GRAMD2B: variants seen among roughly 807,000 people sequenced by gnomAD.
The protein encoded by GRAMD2B is GRAM domain containing 2B.
In GRAMD2B, 41 loss-of-function variants were observed where a neutral mutation model predicts 59.2. That is an observed-to-expected ratio of 0.69 (90% confidence interval 0.54 to 0.90). The LOEUF is 0.90. Among genes scored for constraint, GRAMD2B ranks in the 40% least tolerant of loss-of-function variants. GRAMD2B has a pLI of 0.00. For synonymous variants in GRAMD2B, 161 were observed against 182.7 expected (o/e 0.88, Z 0.96); for missense variants, 424 against 500.5 (o/e 0.85, Z 1.46).
intron 9 of GRAMD2B, among the ~76,000 whole-genome samples, chr5:126,483,833 GA>G (rs1403084320): frequency 6.6e-6 from 1 of 152,112 alleles, no homozygotes; most frequent in African/African-American, 2.4e-5. Flanking sequence ...GGGTGGTTGA[GA>G]GAAAAAAACA....
At position 126,473,335 on chromosome 5, in the gene GRAMD2B, T is replaced by C. The variant is rs1291650116; in HGVS notation, c.453T>C (p.Cys151=). The change falls in exon 5 of 14, where the codon TGT becomes TGC. Residue 151 remains cysteine, a synonymous_variant. Transcript: ENST00000285689. ...TCTTTGTATCAGAAAACTGGATTTG[T>C]TTTCATTCCAAAGTCTTTGGAAAAG... ...GKLFVSENWI[C]FHSKVFGKDT... 1 of 1,528,060 alleles carries C rather than the reference T, an allele frequency of 6.5e-7. No homozygotes were observed. Among genetic ancestry groups the C allele is most frequent in the African/African-American group, 1.4e-5 (1 of 71,420 alleles). The allele number at this position is 1,528,060 out of a possible 1,614,324, so 94.7% of individuals were successfully genotyped here.
intron 1 of GRAMD2B, among the ~76,000 whole-genome samples, chr5:126,409,000 C>G (rs1758517403): frequency 6.6e-6 from 1 of 151,358 alleles, no homozygotes; most frequent in Admixed American, 6.6e-5. Context: ...TCATCCATGT[C>G]CCTACAAAGG....
chr5:126,443,023 C>T (rs1462361008), intron 1 of GRAMD2B, among the ~76,000 whole-genome samples: 1 of 151,934 alleles, frequency 6.6e-6, no homozygotes, highest in African/African-American at 2.4e-5. Flanking sequence ...ATTGTTTTTC[C>T]CCATTATCTA....
rs534740478 is a variant in GRAMD2B, at chr5:126,395,099, G to A, written c.125+23532G>A. 1.7e-4 allele frequency among the ~76,000 whole-genome samples: 25 copies of A among 146,814 alleles called. No homozygotes were observed. In the East Asian group the frequency reaches 3.9e-3, roughly 23 times the overall value. On this transcript the variant is annotated intron_variant, in intron 1 of 8. Coordinates refer to the GRAMD2B transcript ENST00000506445. The stretch of plus-strand genomic sequence containing the variant: ...AACTTAGAGTTACACTTTTTTTTTT[G>A]TTAGAAGATACTTTTCCTTCAGAAA...
At chr5:126,478,854 C>T (rs1561592328) in intron 6 of GRAMD2B, among the ~76,000 whole-genome samples, 1 of 152,162 alleles carries the variant, frequency 6.6e-6, no homozygotes, top group African/African-American at 2.4e-5. Context: ...GGTGGCCAGC[C>T]TCCCCATAAC....
At chr5:126,462,358 TC>T in intron 1 of GRAMD2B, 1 of 953,000 alleles carries the variant, frequency 1.0e-6, no homozygotes, top group African/African-American at 1.8e-5. Flanking sequence ...CCATTTCCCC[TC>T]CCACGCTGCT....
intron 1 of GRAMD2B, among the ~76,000 whole-genome samples, chr5:126,402,228 A>G (rs894111720): frequency 6.6e-6 from 1 of 151,976 alleles, no homozygotes; most frequent in African/African-American, 2.4e-5. Context: ...GGCCATCACT[A>G]TGGTTTCCTG....
intron 9 of GRAMD2B, 122 bp from the exon 10 acceptor site, chr5:126,484,280 T>G (rs1462548779): frequency 2.6e-6 from 3 of 1,142,512 alleles, no homozygotes; most frequent in African/African-American, 1.6e-5. Context: ...AACTAACTTG[T>G]GAGACCATCC....
chr5:126,394,220 A>C, intron 1 of GRAMD2B, among the ~76,000 whole-genome samples: 1 of 151,722 alleles, frequency 6.6e-6, no homozygotes, highest in South Asian at 2.1e-4. Context: ...GCTTGCAGTG[A>C]GGCGAGATGG....
chr5:126,469,646 C>T, intron 2 of GRAMD2B, 31 bp from the exon 3 acceptor site: 2 of 1,463,426 alleles, frequency 1.4e-6, no homozygotes, highest in Non-Finnish European at 1.9e-6. Context: ...AAAAAATTAT[C>T]TTATAGACAC....
upstream of GRAMD2B, among the ~76,000 whole-genome samples, chr5:126,368,823 A>G (rs1476898205): frequency 1.3e-5 from 2 of 152,234 alleles, no homozygotes; most frequent in Admixed American, 6.5e-5. Flanking sequence ...CTACGTCAGT[A>G]TGCTTCCCAT....
chr5:126,367,341 G>A (rs533671003), upstream of GRAMD2B, among the ~76,000 whole-genome samples: 42 of 152,022 alleles, frequency 2.8e-4, no homozygotes, highest in African/African-American at 9.7e-4. Context: ...ATATTCCATG[G>A]CTCTGGAAAA....
chr5:126,428,959 C>T (rs560237399), intron 1 of GRAMD2B, among the ~76,000 whole-genome samples: 512 of 152,208 alleles, frequency 3.4e-3, no homozygotes, highest in Non-Finnish European at 4.2e-3. Flanking sequence ...TTAGTTTGAC[C>T]ATCGTGGAAG....
At chr5:126,396,061 T>C (rs188764464) in intron 1 of GRAMD2B, among the ~76,000 whole-genome samples, 1 of 152,336 alleles carries the variant, frequency 6.6e-6, no homozygotes, top group Non-Finnish European at 1.5e-5. Context: ...CCAACACTTA[T>C]ATTTTGTCAT....
upstream of GRAMD2B, among the ~76,000 whole-genome samples, chr5:126,422,165 A>T (rs770857455): frequency 1.3e-5 from 2 of 152,064 alleles, no homozygotes; most frequent in Non-Finnish European, 2.9e-5. Context: ...CAAATTCATA[A>T]ACTGTCTTAT....
chr5:126,362,129 T>C (rs1039449104), intron 1 of GRAMD2B, among the ~76,000 whole-genome samples: 2 of 152,226 alleles, frequency 1.3e-5, no homozygotes, highest in African/African-American at 4.8e-5. Flanking sequence ...CATGCATTTC[T>C]TCAGCTATAA....
Position 126,469,777 on chromosome 5 carries a change from T to C in GRAMD2B, c.304T>C (p.Ser102Pro). 6.2e-7 allele frequency: 1 copy of C among 1,608,706 alleles called. No homozygotes were observed. The highest frequency in any genetic ancestry group is 1.1e-5 in the South Asian group (1 of 90,812). ...TAAGACTGAAAGAAAAAAGTCTTCA[T>C]CTTCCAGCCAGGTAATTTGAGAATG... ...DPKTERKKSSSSSQYKANMHF... is the reference protein window; with the variant it reads ...DPKTERKKSSPSSQYKANMHF... Residue 102 changes from serine to proline, a missense_variant, in exon 3 of 14, where the codon TCT becomes CCT. Ser to Pro is a moderately conservative substitution (Grantham distance 74). Coordinates refer to ENST00000285689, the MANE Select transcript of GRAMD2B (RefSeq NM_023927.4).
upstream of GRAMD2B, among the ~76,000 whole-genome samples, chr5:126,366,472 C>G (rs1049740412): frequency 6.6e-6 from 1 of 152,206 alleles, no homozygotes; most frequent in African/African-American, 2.4e-5. Flanking sequence ...AGATCCTAAT[C>G]TTCATTGTCA....
At chr5:126,365,328 G>T (rs903617548) in intron 1 of GRAMD2B, among the ~76,000 whole-genome samples, 25 of 152,186 alleles carry the variant, frequency 1.6e-4, no homozygotes, top group African/African-American at 6.0e-4. Context: ...ATAACCTTAT[G>T]GGGGACGCTA....
Sources: gnomAD v4.1 joint callset for allele counts (sites outside exome capture counted in the v4.1 genomes callset) on GRCh38, gnomAD v4.1.1 for gene constraint, MANE v1.5 for transcripts, NCBI Gene and HGNC (gene_info 2026-07-23, HGNC 2026-07-21) for gene names.